The following ZNF362 variants were observed in gnomAD, a reference collection of about 807,000 sequenced individuals.
ZNF362 encodes rotund homolog.
A neutral mutation model predicts 42.9 loss-of-function variants in ZNF362; 11 were observed. That is an observed-to-expected ratio of 0.26 (90% CI 0.16 to 0.42). ZNF362 has a LOEUF of 0.42. Ranked by LOEUF, ZNF362 falls within the 20% of genes least tolerant of loss-of-function variation. The pLI is 1.00. For synonymous variants in ZNF362, 255 were observed against 257.3 expected, an observed-to-expected ratio of 0.99 and a Z score of 0.09; for missense variants, 362 against 576.2, an observed-to-expected ratio of 0.63 and a Z score of 3.81.
At chr1:33,289,750 A>AGGCGCTG (rs1646062040) in intron 6 of ZNF362, among the ~76,000 whole-genome samples, 1 of 152,164 alleles carries the variant, frequency 6.6e-6, no homozygotes, top group Non-Finnish European at 1.5e-5. Context: ...AGCCCATGCC[A>AGGCGCTG]GGCGCTGGGG....
intron 2 of ZNF362, among the ~76,000 whole-genome samples, chr1:33,271,656 GGACATGGCTGA>G (rs1557790324): frequency 6.6e-6 from 1 of 152,220 alleles, no homozygotes; most frequent in East Asian, 1.9e-4. Flanking sequence ...GGAATCCTGA[GGACATGGCTGA>G]GATGGGTGTG....
the ZNF362 span, among the ~76,000 whole-genome samples, chr1:33,158,904 G>A: frequency 2.6e-5 from 4 of 151,568 alleles, no homozygotes; most frequent in Admixed American, 1.3e-4. Flanking sequence ...GCAATGGCGC[G>A]ATCTCAGCTC....
the ZNF362 span, among the ~76,000 whole-genome samples, chr1:33,220,581 G>A: frequency 1.3e-5 from 2 of 152,120 alleles, no homozygotes; most frequent in Non-Finnish European, 2.9e-5. Context: ...TGTGGGTGTG[G>A]AGGCGCCATC....
the ZNF362 span, among the ~76,000 whole-genome samples, chr1:33,194,532 C>A: frequency 2.3e-3 from 240 of 103,768 alleles, no homozygotes; most frequent in Middle Eastern, 5.7e-3. Flanking sequence ...GACCCTGTCT[C>A]AAAAAAAAAA....
the ZNF362 span, among the ~76,000 whole-genome samples, chr1:33,213,937 G>A: frequency 1.3e-5 from 2 of 152,112 alleles, no homozygotes; most frequent in Non-Finnish European, 2.9e-5. Context: ...ACCTGATTTT[G>A]TATTGGTTTG....
At chr1:33,174,414 G>A in the ZNF362 span, among the ~76,000 whole-genome samples, 1 of 152,120 alleles carries the variant, frequency 6.6e-6, no homozygotes, top group Non-Finnish European at 1.5e-5. Flanking sequence ...GAACTTCTGG[G>A]CTCAAGCAAT....
the ZNF362 span, among the ~76,000 whole-genome samples, chr1:33,244,390 A>T: frequency 1.3e-5 from 2 of 152,168 alleles, no homozygotes; most frequent in African/African-American, 4.8e-5. The surrounding 1 kb of genome is among the most constrained non-coding windows in gnomAD (Gnocchi z 4.0). Context: ...GCCCTCACTA[A>T]CTGAATTCAT....
chr1:33,300,066 GAC>G lies in ZNF362; in HGVS notation c.*1025_*1026del, dbSNP rs1646155788. The stretch of plus-strand genomic sequence containing the variant: ...GCAGACCCTGCCCCCAGCCCCCACA[GAC>G]ACACCCCAATCTGAAAGCCATGCGT... On this transcript the variant is annotated 3_prime_UTR_variant, in exon 9 of 9. Transcript: ENST00000539719. The G allele has an allele frequency of 6.6e-6, 1 of 152,362 alleles. No individual in the cohort carries two copies. Among genetic ancestry groups the G allele is most frequent in the South Asian group, 2.1e-4 (1 of 4,816 alleles). 9.4% of individuals were successfully genotyped at this position (152,362 alleles called of 1,614,324 possible).
chr1:33,149,403 C>T, the ZNF362 span, among the ~76,000 whole-genome samples: 3,156 of 151,880 alleles, frequency 0.021, 90 homozygotes, highest in African/African-American at 0.072. Context: ...ATCTGCCCAC[C>T]TCGGCCTCCC....
Position 33,281,307 on chromosome 1 carries a change from C to T in ZNF362, c.684-280C>T, listed in dbSNP as rs12060208. 2.6e-3 allele frequency among the ~76,000 whole-genome samples: 392 copies of T among 152,244 alleles called. 2 individuals carry two copies. The highest frequency in any genetic ancestry group is 9.1e-3 in the African/African-American group (377 of 41,546). On this transcript the variant is annotated intron_variant, in intron 5 of 8. Transcript: ENST00000539719. The surrounding 1 kb of genome is among the most constrained non-coding windows in gnomAD (Gnocchi z 4.8). ...CCTGCCCAGAACCGTGGGATATAGC[C>T]CTGGGCAAACCCTCACCAGGATCAG... is the stretch of plus-strand genomic sequence containing the variant.
the ZNF362 span, chr1:33,164,323 A>C: frequency 6.6e-6 from 1 of 152,260 alleles, no homozygotes; most frequent in South Asian, 2.1e-4. Flanking sequence ...GGCCCAGCGC[A>C]TTCCTAAGGC....
chr1:33,285,600 C>G (rs1646026694), intron 6 of ZNF362, among the ~76,000 whole-genome samples: 1 of 151,942 alleles, frequency 6.6e-6, no homozygotes, highest in South Asian at 2.1e-4. Context: ...TTTTTTTGGT[C>G]CATCTTAAAA....
chr1:33,275,743 G>A (rs1337189100), intron 2 of ZNF362, among the ~76,000 whole-genome samples: 1 of 152,212 alleles, frequency 6.6e-6, no homozygotes, highest in Non-Finnish European at 1.5e-5. Context: ...CCTTCTGTAT[G>A]GAACCTACGG....
chr1:33,202,637 T>C, the ZNF362 span, among the ~76,000 whole-genome samples: 1 of 150,550 alleles, frequency 6.6e-6, no homozygotes, highest in South Asian at 2.1e-4. Flanking sequence ...AAAAGGATAC[T>C]ATGCCTCGGG....
the ZNF362 span, chr1:33,195,502 C>T: frequency 1.3e-5 from 2 of 152,146 alleles, no homozygotes; most frequent in African/African-American, 4.8e-5. Context: ...TTACACAAAC[C>T]TGGATGTCAT....
At chr1:33,158,297 AG>A in the ZNF362 span, 1 of 1,614,062 alleles carries the variant, frequency 6.2e-7, no homozygotes, top group Non-Finnish European at 8.5e-7. Context: ...GGTGTACTGC[AG>A]GGGGCCTGTG....
chr1:33,236,106 T>C, the ZNF362 span, among the ~76,000 whole-genome samples: 1 of 152,100 alleles, frequency 6.6e-6, no homozygotes, highest in Admixed American at 6.5e-5. Flanking sequence ...TCACCTTCCC[T>C]ATTTATAGGA....
At chr1:33,150,221 T>G in the ZNF362 span, among the ~76,000 whole-genome samples, 1 of 152,216 alleles carries the variant, frequency 6.6e-6, no homozygotes, top group Admixed American at 6.5e-5. Flanking sequence ...CCTTGGGGTC[T>G]TGGACATCCA....
In ZNF362 at chr1:33,277,936, C is replaced by T. The variant is rs527511964; in HGVS notation, c.349+1342C>T. ...GGTTGGGCCTTTGTTCCTCCCCTGT[C>T]GCCCCTGCTGCTAGGCAGGTGCTTC... On this transcript the variant is annotated intron_variant, in intron 4 of 8. Coordinates refer to ENST00000539719, the MANE Select transcript of ZNF362 (RefSeq NM_152493.3). Among the ~76,000 whole-genome samples the T allele has an allele frequency of 3.6e-3, 547 of 152,194 alleles. 4 individuals are homozygous for T. The highest frequency in any genetic ancestry group is 0.013 in the African/African-American group (524 of 41,528).
Sources: allele counts gnomAD v4.1 joint callset (sites outside exome capture counted in the v4.1 genomes callset), GRCh38; gene constraint gnomAD v4.1.1; non-coding constraint Gnocchi (gnomAD v3.1); transcripts MANE v1.5; gene names NCBI Gene and HGNC (gene_info 2026-07-23, HGNC 2026-07-21).